The following TACC2 variants were observed in gnomAD, a reference collection of about 807,000 sequenced individuals.
TACC2 encodes transforming acidic coiled-coil containing protein 2, also known as transforming acidic coiled-coil-containing protein 2.
Under a neutral mutation model 227.3 loss-of-function variants are expected in TACC2, and 137 were observed. That is an observed-to-expected ratio of 0.60 (90% confidence interval 0.52 to 0.69). The LOEUF is 0.69. Ranked by LOEUF, TACC2 falls within the 30% of genes least tolerant of loss-of-function variation. TACC2 has a pLI of 0.00. For missense variants in TACC2, 3,470 were observed against 3,694.4 expected, an observed-to-expected ratio of 0.94 and a Z score of 1.57; for synonymous variants, 1,523 against 1,487.5, an observed-to-expected ratio of 1.02 and a Z score of -0.55.
At chr10:122,073,576 T>C (rs1459613971) in intron 3 of TACC2, among the ~76,000 whole-genome samples, 1 of 152,130 alleles carries the variant, frequency 6.6e-6, no homozygotes. Flanking sequence ...TGGCCCATCA[T>C]CCTACTAAAA....
chr10:122,050,742 A>G lies in TACC2; in HGVS notation c.146+192A>G. 3.8e-6 allele frequency: 2 copies of G among 526,328 alleles called. No homozygotes were observed. Among genetic ancestry groups the G allele is most frequent in the Non-Finnish European group, 6.8e-6 (2 of 294,698 alleles). 32.6% of individuals were successfully genotyped at this position (526,328 alleles called of 1,614,324 possible). A position where few individuals can be genotyped will look rare whatever the true frequency, so the allele number is the denominator to read the frequency against. On this transcript the variant is annotated intron_variant, in intron 3 of 22. Coordinates refer to ENST00000369005, the MANE Select transcript of TACC2 (RefSeq NM_206862.4). The surrounding 1 kb of genome is among the most constrained non-coding windows in gnomAD (Gnocchi z 4.6). ...ACTGGCTAGGCCTGCATGATTGAAA[A>G]ATTCATCCTGATTGCCTGCCCAAAG... is the stretch of plus-strand genomic sequence containing the variant.
rs2075502457 is a variant in TACC2 at position 122,050,054 on chromosome 10, T to C, written c.34-384T>C. 6.6e-6 allele frequency among the ~76,000 whole-genome samples: 1 copy of C among 151,850 alleles called. No individual in the cohort carries two copies. Among genetic ancestry groups the C allele is most frequent in the Non-Finnish European group, 1.5e-5 (1 of 67,992 alleles). ...GCCATCGGTGGTGGCGGGAGGAAAA[T>C]GTGTTTTCATCTCAGGAGTGCCACA... On this transcript the variant is annotated intron_variant, in intron 2 of 22. Transcript: ENST00000369005. This position sits in a 1 kb window ranked among gnomAD's most constrained non-coding sequence, Gnocchi z 4.6.
intron 2 of TACC2, among the ~76,000 whole-genome samples, chr10:122,048,432 G>GCTTC (rs1319991428): frequency 4.9e-5 from 4 of 80,900 alleles, no homozygotes; most frequent in Non-Finnish European, 1.1e-4. Flanking sequence ...TTCCCTCCTT[G>GCTTC]CTTCCTCCCT....
chr10:122,163,597 G>C lies in TACC2; in HGVS notation c.5834+19891G>C, dbSNP rs974231028. Reference sequence around the variant, plus strand: ...ACACACAGGAGCCGGCTGCCGGGGGGTTTAAGAGAAGAGCCTTTCGGACCA... The same window carrying C: ...ACACACAGGAGCCGGCTGCCGGGGGCTTTAAGAGAAGAGCCTTTCGGACCA... On this transcript the variant is annotated intron_variant, in intron 7 of 22. Transcript: ENST00000369005. The C allele has an allele frequency of 6.4e-5, 65 of 1,007,764 alleles. No individual in the cohort carries two copies. The Admixed American group carries it at 1.2e-3, about 18-fold the overall frequency. The allele number at this position is 1,007,764 out of a possible 1,614,324, so 62.4% of individuals were successfully genotyped here.
At position 122,249,114 on chromosome 10, in the gene TACC2, G is replaced by T; in HGVS notation, c.8618G>T (p.Arg2873Met). 6.2e-7 allele frequency: 1 copy of T among 1,613,254 alleles called. No individual in the cohort carries two copies. The highest frequency in any genetic ancestry group is 8.5e-7 in the Non-Finnish European group (1 of 1,179,884). ...TCCCGGGTGAAGAAGGAGGAGCAGA[G>T]GTACCAGGCCCTGAAGGTGCACGCG... ...YLSRVKKEEQRYQALKVHAEE... is the reference protein window; with the variant it reads ...YLSRVKKEEQMYQALKVHAEE... The change falls in exon 21 of 23, where the codon AGG (arginine) becomes ATG (methionine). Residue 2873 changes from arginine (R) to methionine (M), a missense_variant. Coordinates refer to ENST00000369005, the MANE Select transcript of TACC2 (RefSeq NM_206862.4).
chr10:122,167,147 C>T (rs1010259319), intron 7 of TACC2, among the ~76,000 whole-genome samples: 7 of 152,230 alleles, frequency 4.6e-5, no homozygotes, highest in South Asian at 2.1e-4. Context: ...AGAGCAAAAG[C>T]GGTGGTTCTG....
At chr10:122,174,365 G>A (rs1342193057) in intron 7 of TACC2, among the ~76,000 whole-genome samples, 2 of 152,144 alleles carry the variant, frequency 1.3e-5, no homozygotes, top group Admixed American at 6.5e-5. Flanking sequence ...CTGGCTCAGC[G>A]CAGACCTGCC....
At position 122,132,591 on chromosome 10, in the gene TACC2, T is replaced by C; in HGVS notation, c.5574-18T>C. 1 of 1,613,948 alleles carries C rather than the reference T, an allele frequency of 6.2e-7. No homozygotes were observed. The highest frequency in any genetic ancestry group is 1.1e-5 in the South Asian group (1 of 91,046). ...GGAATGTTTCTGAGTTTAGGTTCTTTCCCTTTTCTCTCCCCAGTTCACCTG... is the reference window on the plus strand; with the variant it reads ...GGAATGTTTCTGAGTTTAGGTTCTTCCCCTTTTCTCTCCCCAGTTCACCTG... On this transcript the variant is annotated intron_variant, in intron 5 of 22. Coordinates refer to ENST00000369005, the MANE Select transcript of TACC2 (RefSeq NM_206862.4).
chr10:122,217,194 G>A (rs1021261295), intron 11 of TACC2, among the ~76,000 whole-genome samples: 5 of 152,024 alleles, frequency 3.3e-5, no homozygotes, highest in African/African-American at 1.2e-4. Flanking sequence ...AACTCTCAGT[G>A]TAGGTCACTG....
chr10:122,040,737 T>C (rs146025260), intron 2 of TACC2, among the ~76,000 whole-genome samples: 9 of 152,354 alleles, frequency 5.9e-5, no homozygotes, highest in Middle Eastern at 3.4e-3. Flanking sequence ...TGGGTGTTTC[T>C]GTAACAAGTC....
chr10:122,251,344 G>T (rs2096250848), intron 22 of TACC2, among the ~76,000 whole-genome samples: 1 of 152,210 alleles, frequency 6.6e-6, no homozygotes, highest in African/African-American at 2.4e-5. Flanking sequence ...AGGCTCTGAT[G>T]ATTGTTCTTA....
chr10:122,083,656 A>T lies in TACC2; in HGVS notation c.1156A>T (p.Asn386Tyr). 6.2e-7 allele frequency: 1 copy of T among 1,611,462 alleles called. No homozygotes were observed. Among genetic ancestry groups the T allele is most frequent in the Non-Finnish European group, 8.5e-7 (1 of 1,180,036 alleles). ...PQTGMRGTKP[N>Y]QVVCVAAGGQ... is the part of the protein sequence containing the mutation. ...GACAGGGATGCGAGGAACCAAGCCCAATCAAGTTGTCTGTGTGGCAGCAGG... is the reference window on the plus strand; with the variant it reads ...GACAGGGATGCGAGGAACCAAGCCCTATCAAGTTGTCTGTGTGGCAGCAGG... Residue 386 changes from asparagine (N) to tyrosine (Y), a missense_variant, in exon 4 of 23, where the codon AAT (asparagine) becomes TAT (tyrosine). Transcript: ENST00000369005.
At chr10:121,993,163 CAAACA>C (rs1300036601) in intron 1 of TACC2, among the ~76,000 whole-genome samples, 1 of 151,976 alleles carries the variant, frequency 6.6e-6, no homozygotes, top group Non-Finnish European at 1.5e-5. Flanking sequence ...CAACAACAAA[CAAACA>C]AAACAAAACT....
chr10:121,990,131 G>T (rs1327594858), intron 1 of TACC2, among the ~76,000 whole-genome samples: 3 of 147,544 alleles, frequency 2.0e-5, no homozygotes, highest in African/African-American at 2.5e-5. Flanking sequence ...TTTTTTTTTA[G>T]ACAGGGTCTT....
intron 7 of TACC2, among the ~76,000 whole-genome samples, chr10:122,186,030 G>A (rs1183239711): frequency 6.6e-6 from 1 of 152,096 alleles, no homozygotes; most frequent in Non-Finnish European, 1.5e-5. Flanking sequence ...TCCTGGGCAA[G>A]CTATTCTCCC....
intron 14 of TACC2, among the ~76,000 whole-genome samples, chr10:122,228,505 C>T (rs2095670650): frequency 6.6e-6 from 1 of 152,196 alleles, no homozygotes; most frequent in Non-Finnish European, 1.5e-5. Flanking sequence ...CCAGTCCCTG[C>T]ACAGCACACG....
chr10:122,151,634 G>C (rs2092049379), intron 7 of TACC2, among the ~76,000 whole-genome samples: 1 of 151,816 alleles, frequency 6.6e-6, no homozygotes, highest in African/African-American at 2.4e-5. Context: ...AGTCAGGATG[G>C]AATTTAGTTT....
At chr10:121,998,598 T>G (rs896199157) in intron 1 of TACC2, among the ~76,000 whole-genome samples, 2 of 152,060 alleles carry the variant, frequency 1.3e-5, no homozygotes, top group Admixed American at 1.3e-4. Flanking sequence ...ATCGACACAG[T>G]GGAGAGAGTG....
At chr10:122,057,141 G>A (rs1241278687) in intron 3 of TACC2, among the ~76,000 whole-genome samples, 1 of 152,148 alleles carries the variant, frequency 6.6e-6, no homozygotes, top group East Asian at 1.9e-4. Flanking sequence ...GCAGTGAGGT[G>A]AGATCATGCC....
Sources: allele counts gnomAD v4.1 joint callset (sites outside exome capture counted in the v4.1 genomes callset), GRCh38; gene constraint gnomAD v4.1.1; non-coding constraint Gnocchi (gnomAD v3.1); transcripts MANE v1.5; gene names NCBI Gene and HGNC (gene_info 2026-07-23, HGNC 2026-07-21).